Variants in NLGN1 observed in about 807,000 individuals in gnomAD.
NLGN1 encodes the protein neuroligin-1.
In NLGN1, 12 loss-of-function variants were observed where a neutral mutation model predicts 65.5. That is an observed-to-expected ratio of 0.18 (90% confidence interval 0.12 to 0.30). The LOEUF (loss-of-function observed/expected upper bound fraction) is 0.30. Ranked by LOEUF, NLGN1 falls within the 10% of genes least tolerant of loss-of-function variation. The pLI is 1.00. For missense variants in NLGN1, 750 were observed against 1,007.1 expected (o/e 0.74, Z 3.46); for synonymous variants, 350 against 359.5 (o/e 0.97, Z 0.30).
At chr3:173,448,030 T>A (rs1720714759) in intron 2 of NLGN1, among the ~76,000 whole-genome samples, 1 of 152,214 alleles carries the variant, frequency 6.6e-6, no homozygotes, top group African/African-American at 2.4e-5. Flanking sequence ...TACTTCCTCT[T>A]GTCCTAATTG....
At chr3:173,500,550 G>A (rs1730904636) in intron 2 of NLGN1, among the ~76,000 whole-genome samples, 1 of 152,040 alleles carries the variant, frequency 6.6e-6, no homozygotes, top group South Asian at 2.1e-4. Context: ...TTGGTATCAG[G>A]ATAATGCTGG....
At chr3:173,661,285 C>T (rs184006511) in intron 3 of NLGN1, among the ~76,000 whole-genome samples, 5 of 152,080 alleles carry the variant, frequency 3.3e-5, no homozygotes, top group African/African-American at 9.6e-5. Flanking sequence ...TAATGGCTTA[C>T]TGCAATGTGT....
Position 174,083,575 on chromosome 3 carries a change from G to A in NLGN1, c.647-191740G>A, listed in dbSNP as rs1291249870. On this transcript the variant is annotated intron_variant, in intron 4 of 6. Transcript: ENST00000457714. ...TCTCATATATTGAGGTTACTTGCATGACATCTTTAACTATTTGGAAAAAAG... is the reference window on the plus strand; with the variant it reads ...TCTCATATATTGAGGTTACTTGCATAACATCTTTAACTATTTGGAAAAAAG... 5.9e-5 allele frequency among the ~76,000 whole-genome samples: 9 copies of A among 152,184 alleles called. No homozygotes were observed. In the South Asian group the frequency reaches 1.2e-3, roughly 21 times the overall value.
At chr3:174,214,742 AAAG>A (rs1410615997) in intron 4 of NLGN1, among the ~76,000 whole-genome samples, 1 of 152,150 alleles carries the variant, frequency 6.6e-6, no homozygotes, top group Non-Finnish European at 1.5e-5. Context: ...TCTAAAGTAA[AAAG>A]AGTTCACAGA....
At chr3:173,412,311 GACACAC>G (rs71162345) in intron 1 of NLGN1, among the ~76,000 whole-genome samples, 2,524 of 147,620 alleles carry the variant, frequency 0.017, 66 homozygotes, top group African/African-American at 0.058. Flanking sequence ...CTCTCACTCT[GACACAC>G]ACACACACAC....
At chr3:174,198,902 GC>G (rs1311100819) in intron 4 of NLGN1, among the ~76,000 whole-genome samples, 4 of 140,040 alleles carry the variant, frequency 2.9e-5, no homozygotes, top group Non-Finnish European at 6.0e-5. Context: ...AGGCTGGAGT[GC>G]AATGCACTGT....
chr3:174,008,843 CAAATT>C (rs753441959), intron 4 of NLGN1, among the ~76,000 whole-genome samples: 2 of 151,984 alleles, frequency 1.3e-5, no homozygotes, highest in African/African-American at 4.8e-5. Context: ...AATCTCTTCT[CAAATT>C]AAACCCTTTA....
chr3:174,092,639 A>ATTATTATT (rs1744742093), intron 4 of NLGN1, among the ~76,000 whole-genome samples: 1 of 151,428 alleles, frequency 6.6e-6, no homozygotes, highest in Non-Finnish European at 1.5e-5. Flanking sequence ...GATGATGGTT[A>ATTATTATT]TTATTATTAT....
At chr3:174,030,122 C>CTTTTT (rs3979617) in intron 4 of NLGN1, among the ~76,000 whole-genome samples, 3 of 118,356 alleles carry the variant, frequency 2.5e-5, no homozygotes, top group Non-Finnish European at 5.2e-5. Context: ...TTTAAGTTAG[C>CTTTTT]TTTTTTTTTT....
intron 4 of NLGN1, among the ~76,000 whole-genome samples, chr3:173,891,612 T>C (rs1417468125): frequency 6.6e-6 from 1 of 152,156 alleles, no homozygotes; most frequent in Non-Finnish European, 1.5e-5. Flanking sequence ...GTGAGGATGA[T>C]TTACTCCTGG....
chr3:173,689,010 T>A (rs1765076069), intron 3 of NLGN1, among the ~76,000 whole-genome samples: 1 of 152,182 alleles, frequency 6.6e-6, no homozygotes, highest in African/African-American at 2.4e-5. Context: ...ATGGCTAACA[T>A]CTGCCGCTAA....
chr3:174,112,845 G>C (rs1715540662), intron 4 of NLGN1, among the ~76,000 whole-genome samples: 1 of 151,810 alleles, frequency 6.6e-6, no homozygotes, highest in Admixed American at 6.6e-5. Context: ...TATATAGTAA[G>C]TACTCAATGA....
rs1560289220 is a variant in NLGN1, at chr3:173,747,795, C to CTTCTTTTTTTTTTTTT, written c.494-59883_494-59882insCTTTTTTTTTTTTTTT. Among the ~76,000 whole-genome samples, 41 of 78,570 alleles carry CTTCTTTTTTTTTTTTT rather than the reference C, an allele frequency of 5.2e-4. 2 individuals are homozygous for CTTCTTTTTTTTTTTTT. The highest frequency in any genetic ancestry group is 2.5e-3 in the African/African-American group (40 of 16,102). The allele number at this position is 78,570 out of a possible 152,430, so 51.5% of individuals were successfully genotyped here. A position where few individuals can be genotyped will look rare whatever the true frequency, so the allele number is the denominator to read the frequency against. On this transcript the variant is annotated intron_variant, in intron 3 of 6. Coordinates refer to ENST00000457714, the Ensembl canonical transcript of NLGN1. ...AAACAAAATTTTCTTTCTTCTTCTT[C>CTTCTTTTTTTTTTTTT]TTGTTCTTTTTTTTTTTTTTTTTTT...
chr3:173,401,325 C>T (rs370870888), intron 1 of NLGN1, among the ~76,000 whole-genome samples: 3 of 151,162 alleles, frequency 2.0e-5, no homozygotes, highest in South Asian at 2.1e-4. Flanking sequence ...GCTCTGAGAT[C>T]AGAAGGAAGG....
intron 4 of NLGN1, among the ~76,000 whole-genome samples, chr3:174,124,627 A>G (rs989114932): frequency 2.7e-5 from 4 of 146,412 alleles, no homozygotes; most frequent in Non-Finnish European, 6.0e-5. Context: ...ACGTATACAC[A>G]TATACGTATA....
intron 4 of NLGN1, among the ~76,000 whole-genome samples, chr3:173,945,993 A>G (rs1038745880): frequency 6.6e-6 from 1 of 152,224 alleles, no homozygotes; most frequent in African/African-American, 2.4e-5. Context: ...GCCTGGTGCC[A>G]TAAACTGATG....
chr3:173,451,607 G>T (rs974792075), intron 2 of NLGN1, among the ~76,000 whole-genome samples: 20 of 152,284 alleles, frequency 1.3e-4, no homozygotes, highest in African/African-American at 4.8e-4. Context: ...GGACATTTAA[G>T]TCTGCAGAGG....
intron 2 of NLGN1, among the ~76,000 whole-genome samples, chr3:173,541,038 C>T (rs1016309009): frequency 5.3e-5 from 8 of 152,174 alleles, no homozygotes; most frequent in African/African-American, 1.7e-4. Context: ...AGCACAGTGA[C>T]GTGCCATCCC....
chr3:174,235,967 A>C (rs1217858842), intron 4 of NLGN1, among the ~76,000 whole-genome samples: 4 of 152,100 alleles, frequency 2.6e-5, no homozygotes, highest in Non-Finnish European at 5.9e-5. Flanking sequence ...TTATTTATTT[A>C]CTCCTGTCTT....
Sources: allele counts gnomAD v4.1 joint callset (sites outside exome capture counted in the v4.1 genomes callset), GRCh38; gene constraint gnomAD v4.1.1; transcripts MANE v1.5; gene names NCBI Gene and HGNC (gene_info 2026-07-23, HGNC 2026-07-21).